The following IGDCC4 variants were observed in gnomAD, a reference collection of about 807,000 sequenced individuals.
IGDCC4 encodes the protein likely ortholog of mouse neighbor of Punc E11.
Under a neutral mutation model 116.6 loss-of-function variants are expected in IGDCC4, and 72 were observed. The ratio of observed to expected loss-of-function variants is 0.62; its 90% CI spans 0.51 to 0.75. IGDCC4 has a LOEUF of 0.75. IGDCC4 is among the 30% of genes least tolerant of loss of function. The pLI, the probability that IGDCC4 is intolerant of heterozygous loss-of-function variation, is 0.00. For synonymous variants in IGDCC4, 709 were observed against 719.9 expected, an observed-to-expected ratio of 0.98 and a Z score of 0.24; for missense variants, 1,501 against 1,662.4, an observed-to-expected ratio of 0.90 and a Z score of 1.69.
intron 10 of IGDCC4, among the ~76,000 whole-genome samples, chr15:65,392,665 G>A (rs2062879044): frequency 5.3e-5 from 8 of 152,280 alleles, no homozygotes; most frequent in Admixed American, 5.2e-4. Flanking sequence ...CTCTGGAGTA[G>A]GCTGATAGCA....
chr15:65,393,291 G>C lies in IGDCC4; in HGVS notation c.1885+70C>G. 1 of 1,465,130 alleles carries C rather than the reference G, an allele frequency of 6.8e-7. No homozygotes were observed. Among genetic ancestry groups the C allele is most frequent in the Non-Finnish European group, 9.1e-7 (1 of 1,101,406 alleles). 90.8% of individuals were successfully genotyped at this position (1,465,130 alleles called of 1,614,324 possible). ...GGGCGGGGCCAGGGGGTGGGGCGCT[G>C]GGTCCCAAGGACACACGCACACCCA... On this transcript the variant is annotated intron_variant, in intron 10 of 19. Coordinates refer to ENST00000352385, the MANE Select transcript of IGDCC4 (RefSeq NM_020962.3). The surrounding 1 kb of genome is among the most constrained non-coding windows in gnomAD (Gnocchi z 4.6).
chr15:65,385,988 C>T lies in IGDCC4; in HGVS notation c.3023G>A (p.Gly1008Asp). The change falls in exon 18 of 20, where the codon GGC becomes GAC. Residue 1008 changes from glycine (G) to aspartate (D), a missense_variant. Coordinates refer to ENST00000352385, the MANE Select transcript of IGDCC4 (RefSeq NM_020962.3). ...NPALYSRARL[G>D]PPSPPAAHEL... ...ATGGGCAGCTGGGGGGCTGGGGGGG[C>T]CAAGCCGAGCTCTGGAGTACAGCGC... is the stretch of plus-strand genomic sequence containing the variant. 1 of 1,598,510 alleles carries T rather than the reference C, an allele frequency of 6.3e-7. No homozygotes were observed.
Position 65,396,906 on chromosome 15 carries a change from C to A in IGDCC4, c.925G>T (p.Val309Phe). Reference sequence around the variant, plus strand: ...GGCTTGTTGGCGCGGCAGACATAGACGCCGGAGTGCCAGGGCTGCGCGTTG... The same window carrying A: ...GGCTTGTTGGCGCGGCAGACATAGAAGCCGGAGTGCCAGGGCTGCGCGTTG... ...IANAQPWHSG[V>F]YVCRANKPRT... The change falls in exon 6 of 20, where the codon GTC becomes TTC. Residue 309 changes from valine (V) to phenylalanine (F), a missense_variant. This residue lies in a region of IGDCC4 where 898 missense variants were observed against 978.9 expected (regional missense o/e 0.92). Coordinates refer to ENST00000352385, the MANE Select transcript of IGDCC4 (RefSeq NM_020962.3). The A allele has an allele frequency of 6.4e-7, 1 of 1,573,114 alleles. No homozygotes were observed. The highest frequency in any genetic ancestry group is 8.6e-7 in the Non-Finnish European group (1 of 1,159,028).
intron 15 of IGDCC4, 53 bp downstream of exon 15, chr15:65,388,755 G>A: frequency 6.2e-7 from 1 of 1,610,254 alleles, no homozygotes; most frequent in South Asian, 1.1e-5. Flanking sequence ...ACTGCTGGAA[G>A]CGGGAGAGGC....
chr15:65,412,331 G>A (rs1178522546), intron 1 of IGDCC4, among the ~76,000 whole-genome samples: 1 of 151,816 alleles, frequency 6.6e-6, no homozygotes, highest in Non-Finnish European at 1.5e-5. Flanking sequence ...GACCAACATG[G>A]TGAAACCCCG....
Position 65,400,927 on chromosome 15 carries a change from C to G in IGDCC4, c.720G>C (p.Arg240Ser). ...VAHRGSLAST[R>S]GQDVVIVAAP... The stretch of plus-strand genomic sequence containing the variant: ...CTGCCACAATGACCACGTCCTGCCC[C>G]CTGGTGGACGCCAGGGACCCTGGCG... The change falls in exon 5 of 20, where the codon AGG becomes AGC. Residue 240 changes from arginine (R) to serine (S), a missense_variant. Arg to Ser is a moderately radical substitution (Grantham distance 110, BLOSUM62 -1). Coordinates refer to ENST00000352385, the MANE Select transcript of IGDCC4 (RefSeq NM_020962.3). 6.2e-7 allele frequency: 1 copy of G among 1,614,190 alleles called. No individual in the cohort carries two copies. Among genetic ancestry groups the G allele is most frequent in the Non-Finnish European group, 8.5e-7 (1 of 1,180,040 alleles).
At chr15:65,420,418 G>A (rs186494798) in intron 1 of IGDCC4, among the ~76,000 whole-genome samples, 25 of 152,280 alleles carry the variant, frequency 1.6e-4, no homozygotes, top group African/African-American at 5.8e-4. Context: ...CCTCGAAGGA[G>A]CTGGAGCTTC....
At chr15:65,396,224 C>A (rs903459055) in intron 6 of IGDCC4, 61 bp from the exon 7 acceptor site, 14 of 1,377,702 alleles carry the variant, frequency 1.0e-5, no homozygotes, top group Admixed American at 2.6e-5. Context: ...CTGCCCCCCC[C>A]CCAGTACCCC....
At chr15:65,407,620 G>A (rs758803224) in intron 3 of IGDCC4, among the ~76,000 whole-genome samples, 1 of 152,000 alleles carries the variant, frequency 6.6e-6, no homozygotes, top group African/African-American at 2.4e-5. Context: ...TGGGATTACA[G>A]GCGTGAGCCA....
At chr15:65,400,145 G>A (rs1393872550) in intron 5 of IGDCC4, among the ~76,000 whole-genome samples, 2 of 152,224 alleles carry the variant, frequency 1.3e-5, no homozygotes, top group African/African-American at 4.8e-5. Flanking sequence ...TTAGGAGACT[G>A]CACAGTGAAA....
chr15:65,395,987 TGACCAGGCTGCCACCGCCGCCCTG>T lies in IGDCC4; in HGVS notation c.1150_1173del (p.Gln384_Val391del). ...GCGTCCTGCAGGCCGATCTGTGTGATGACCAGGCTGCCACCGCCGCCCTGGACCTTGACGCGCCCGTTGGGCCGC... is the reference window on the plus strand; with the variant it reads ...GCGTCCTGCAGGCCGATCTGTGTGATGACCTTGACGCGCCCGTTGGGCCGC... On this transcript the variant is annotated inframe_deletion, in exon 7 of 20. Transcript: ENST00000352385. The T allele has an allele frequency of 6.4e-7, 1 of 1,559,070 alleles. No homozygotes were observed. Among genetic ancestry groups the T allele is most frequent in the Non-Finnish European group, 8.6e-7 (1 of 1,160,980 alleles).
At position 65,393,419 on chromosome 15, in the gene IGDCC4, G is replaced by A. The variant is rs1319814140; in HGVS notation, c.1827C>T (p.Phe609=). ...GATGCATCCACTGGGAGGGGGCCCC[G>A]AAGCCGGCTGCTGTACCAGCCGAAA... ...VRISAGTAAG[F]GAPSQWMHHR... Residue 609 remains phenylalanine, a synonymous_variant, in exon 10 of 20, where the codon TTC becomes TTT. Transcript: ENST00000352385. This position sits in a 1 kb window ranked among gnomAD's most constrained non-coding sequence, Gnocchi z 4.6. 1.1e-5 allele frequency: 18 copies of A among 1,613,642 alleles called. No homozygotes were observed. The highest frequency in any genetic ancestry group is 1.7e-4 in the Middle Eastern group (1 of 6,056).
chr15:65,402,957 G>A (rs1407304359), intron 3 of IGDCC4, among the ~76,000 whole-genome samples: 1 of 152,176 alleles, frequency 6.6e-6, no homozygotes, highest in East Asian at 1.9e-4. Flanking sequence ...GTGGATGAGG[G>A]AATGGAGGAA....
In IGDCC4 at chr15:65,396,889, G is replaced by A; in HGVS notation, c.942C>T (p.Ala314=). 6.3e-7 allele frequency: 1 copy of A among 1,576,456 alleles called. No individual in the cohort carries two copies. Among genetic ancestry groups the A allele is most frequent in the South Asian group, 1.2e-5 (1 of 86,016 alleles). Residue 314 remains alanine, a synonymous_variant, in exon 6 of 20, where the codon GCC becomes GCT. Coordinates refer to ENST00000352385, the MANE Select transcript of IGDCC4 (RefSeq NM_020962.3). ...PWHSGVYVCR[A]NKPRTRDFAT... ...CGAAGTCGCGCGTGCGGGGCTTGTT[G>A]GCGCGGCAGACATAGACGCCGGAGT...
chr15:65,420,147 A>C (rs2063177235), intron 1 of IGDCC4, among the ~76,000 whole-genome samples: 1 of 152,116 alleles, frequency 6.6e-6, no homozygotes, highest in Non-Finnish European at 1.5e-5. Context: ...GGGTTTCACC[A>C]TGTTGGCCAG....
chr15:65,400,408 G>A (rs2062972554), intron 5 of IGDCC4, among the ~76,000 whole-genome samples: 1 of 152,232 alleles, frequency 6.6e-6, no homozygotes, highest in Non-Finnish European at 1.5e-5. Flanking sequence ...CGGACCAACA[G>A]AGGGGTCTGG....
intron 5 of IGDCC4, among the ~76,000 whole-genome samples, chr15:65,399,326 C>T (rs528191728): frequency 6.6e-6 from 1 of 151,370 alleles, no homozygotes; most frequent in African/African-American, 2.4e-5. Flanking sequence ...ACAGGCATAG[C>T]GGCACATGCC....
Position 65,384,345 on chromosome 15 carries a change from A to G in IGDCC4, c.3417T>C (p.Phe1139=), listed in dbSNP as rs2091432543. The G allele has an allele frequency of 3.1e-6, 5 of 1,587,500 alleles. No homozygotes were observed. The South Asian group carries it at 3.5e-5, about 11-fold the overall frequency. Residue 1139 remains phenylalanine (F), a synonymous_variant, in exon 20 of 20, where the codon TTT becomes TTC. Transcript: ENST00000352385. This position sits in a 1 kb window ranked among gnomAD's most constrained non-coding sequence, Gnocchi z 4.9. The part of the protein sequence containing the change: ...VEAEVIVHSD[F]SASNGNPDLH... ...GGTCAGGGTTCCCGTTAGATGCACT[A>G]AAGTCAGAGTGGACAATGACTTCAG... is the stretch of plus-strand genomic sequence containing the variant.
In IGDCC4 at chr15:65,393,672, G is replaced by A. The variant is rs772486324; in HGVS notation, c.1715-141C>T. On this transcript the variant is annotated intron_variant, in intron 9 of 19. Transcript: ENST00000352385. The surrounding 1 kb of genome is among the most constrained non-coding windows in gnomAD (Gnocchi z 4.6). ...AGGCGTTCTCAGCACTGACCCCTCA[G>A]TGCCTGGGCAGATTCTATGGCTCCA... 6.9e-5 allele frequency: 55 copies of A among 792,580 alleles called. No homozygotes were observed. The highest frequency in any genetic ancestry group is 1.0e-4 in the Non-Finnish European group (52 of 521,442). 49.1% of individuals were successfully genotyped at this position (792,580 alleles called of 1,614,324 possible). A position where few individuals can be genotyped will look rare whatever the true frequency, so the allele number is the denominator to read the frequency against.
Sources: gnomAD v4.1 joint callset for allele counts (sites outside exome capture counted in the v4.1 genomes callset) on GRCh38, gnomAD v4.1.1 for gene constraint, gnomAD v4.1.1 regional missense constraint, Gnocchi (gnomAD v3.1) non-coding constraint, MANE v1.5 for transcripts, NCBI Gene and HGNC (gene_info 2026-07-23, HGNC 2026-07-21) for gene names.